ADAM23: variants seen among roughly 807,000 people sequenced by gnomAD.
ADAM23 encodes the protein disintegrin and metalloproteinase domain-containing protein 23.
ADAM23 carries 33 observed loss-of-function variants against 120.1 expected under a neutral mutation model. The ratio of observed to expected loss-of-function variants is 0.27; its 90% CI spans 0.21 to 0.37. ADAM23 has a LOEUF of 0.37. ADAM23 is among the 10% of genes least tolerant of loss of function. The probability of loss-of-function intolerance (pLI) is 1.00; values close to 1 mark genes in which losing one functional copy is unlikely to be tolerated. For missense variants in ADAM23, 862 were observed against 1,058.2 expected (o/e 0.81, Z 2.57); for synonymous variants, 367 against 375.2 (o/e 0.98, Z 0.25).
At chr2:206,463,848 T>C (rs1695479380) in intron 2 of ADAM23, among the ~76,000 whole-genome samples, 2 of 152,228 alleles carry the variant, frequency 1.3e-5, no homozygotes, top group Non-Finnish European at 2.9e-5. Context: ...AAAAACAGCT[T>C]AGTAATTTCT....
At chr2:206,500,626 A>G (rs1696367820) in intron 3 of ADAM23, among the ~76,000 whole-genome samples, 1 of 152,096 alleles carries the variant, frequency 6.6e-6, no homozygotes, top group South Asian at 2.1e-4. Context: ...CACAATCCTG[A>G]GGGTTAGTCT....
intron 18 of ADAM23, among the ~76,000 whole-genome samples, chr2:206,585,669 A>T (rs1286362103): frequency 6.6e-6 from 1 of 152,212 alleles, no homozygotes. Flanking sequence ...CACACCTGCC[A>T]CATGCCTGGT....
chr2:206,507,867 G>C (rs534884174), intron 3 of ADAM23, among the ~76,000 whole-genome samples: 3 of 152,066 alleles, frequency 2.0e-5, no homozygotes, highest in Non-Finnish European at 2.9e-5. Context: ...TAAATTTATA[G>C]GCTGGTATTC....
chr2:206,541,696 C>G (rs1028343662), intron 4 of ADAM23, among the ~76,000 whole-genome samples: 1 of 152,032 alleles, frequency 6.6e-6, no homozygotes, highest in Non-Finnish European at 1.5e-5. Flanking sequence ...TGATTATAAA[C>G]AAACTTTTGG....
chr2:206,612,937 A>C (rs1263199165), intron 25 of ADAM23, among the ~76,000 whole-genome samples: 1 of 152,378 alleles, frequency 6.6e-6, no homozygotes, highest in Non-Finnish European at 1.5e-5. Context: ...GGTTAATGCA[A>C]GCAAGACTTC....
At position 206,530,691 on chromosome 2, in the gene ADAM23, T is replaced by TC. The variant is rs1471483391; in HGVS notation, c.510-193dup. On this transcript the variant is annotated intron_variant, in intron 3 of 25. Transcript: ENST00000264377. ...TGTCTTTTTTTTTTTTTTTTTTTTT[T>TC]CTGCAGATTGGGGAGTAATTTATTC... Among the ~76,000 whole-genome samples, 359 of 144,178 alleles carry TC rather than the reference T, an allele frequency of 2.5e-3. 4 individuals carry two copies. Among genetic ancestry groups the TC allele is most frequent in the African/African-American group, 8.3e-3 (328 of 39,418 alleles). The allele number at this position is 144,178 out of a possible 152,430, so 94.6% of individuals were successfully genotyped here. A position where few individuals can be genotyped will look rare whatever the true frequency, so the allele number is the denominator to read the frequency against.
At chr2:206,601,765 C>A (rs1469219749) in intron 24 of ADAM23, among the ~76,000 whole-genome samples, 1 of 146,054 alleles carries the variant, frequency 6.8e-6, no homozygotes, top group Non-Finnish European at 1.5e-5. Flanking sequence ...GAGAGTAAGA[C>A]CCTTCTCAAA....
chr2:206,469,114 A>G (rs928128346), intron 2 of ADAM23, among the ~76,000 whole-genome samples: 11 of 152,318 alleles, frequency 7.2e-5, no homozygotes, highest in South Asian at 2.1e-4. Context: ...GGGGATTACA[A>G]TTGAACATGA....
intron 18 of ADAM23, among the ~76,000 whole-genome samples, chr2:206,573,514 T>C (rs185096363): frequency 2.0e-5 from 3 of 152,290 alleles, no homozygotes; most frequent in East Asian, 3.9e-4. Flanking sequence ...CAGCCACCCA[T>C]GTGGACAATC....
At chr2:206,496,991 G>A (rs1367646906) in intron 3 of ADAM23, among the ~76,000 whole-genome samples, 2 of 152,158 alleles carry the variant, frequency 1.3e-5, no homozygotes, top group Non-Finnish European at 1.5e-5. Flanking sequence ...AACGGGCTCT[G>A]AAATTGAGGC....
chr2:206,469,258 A>G (rs1436517184), intron 2 of ADAM23, among the ~76,000 whole-genome samples: 1 of 152,148 alleles, frequency 6.6e-6, no homozygotes, highest in Non-Finnish European at 1.5e-5. Context: ...CTGAATTCCT[A>G]CCACCACCTC....
intron 3 of ADAM23, among the ~76,000 whole-genome samples, chr2:206,509,834 A>T (rs982773609): frequency 6.6e-6 from 1 of 152,232 alleles, no homozygotes; most frequent in Non-Finnish European, 1.5e-5. Context: ...AAAATAAACT[A>T]TGGTAATAAG....
intron 24 of ADAM23, among the ~76,000 whole-genome samples, chr2:206,601,746 C>T (rs1024614849): frequency 4.0e-5 from 6 of 150,342 alleles, no homozygotes; most frequent in South Asian, 4.2e-4. Flanking sequence ...TGCACTCCAG[C>T]CTGAGCAAGA....
chr2:206,508,893 T>C (rs1696562928), intron 3 of ADAM23, among the ~76,000 whole-genome samples: 1 of 152,128 alleles, frequency 6.6e-6, no homozygotes, highest in Non-Finnish European at 1.5e-5. Flanking sequence ...CTATGAATAA[T>C]TTTCTCAATT....
chr2:206,578,217 C>T (rs1698155952), intron 18 of ADAM23, among the ~76,000 whole-genome samples: 1 of 151,706 alleles, frequency 6.6e-6, no homozygotes, highest in East Asian at 1.9e-4. Context: ...TTTATTTTTC[C>T]ATAAGTGTTT....
chr2:206,525,341 AC>A (rs1696921949), intron 3 of ADAM23, among the ~76,000 whole-genome samples: 1 of 150,824 alleles, frequency 6.6e-6, no homozygotes, highest in South Asian at 2.1e-4. Context: ...AGATTTTAAA[AC>A]TAGAAAGGAC....
chr2:206,615,131 C>T (rs758094328), intron 25 of ADAM23, among the ~76,000 whole-genome samples: 5 of 152,042 alleles, frequency 3.3e-5, no homozygotes, highest in Non-Finnish European at 5.9e-5. Flanking sequence ...GGCTCTGAGA[C>T]GGTTATTGTT....
At chr2:206,561,449 G>A (rs1697763414) in intron 12 of ADAM23, among the ~76,000 whole-genome samples, 1 of 152,116 alleles carries the variant, frequency 6.6e-6, no homozygotes, top group Non-Finnish European at 1.5e-5. Flanking sequence ...GATTGGCCTG[G>A]AGACTTTTAG....
At position 206,443,950 on chromosome 2, in the gene ADAM23, C is replaced by A; in HGVS notation, c.84C>A (p.Gly28=). Residue 28 remains glycine, a synonymous_variant, in exon 1 of 26, where the codon GGC becomes GGA. Coordinates refer to ENST00000264377, the MANE Select transcript of ADAM23 (RefSeq NM_003812.4). ...GCGCTTCCTGCGGCCCCCAACGCGG[C>A]CCCGCCGGCTCGGTGCCTGCCAGCG... The part of the protein sequence containing the change: ...LAGASCGPQR[G]PAGSVPASAP... 1 of 1,270,358 alleles carries A rather than the reference C, an allele frequency of 7.9e-7. No homozygotes were observed. The highest frequency in any genetic ancestry group is 9.9e-7 in the Non-Finnish European group (1 of 1,012,254). The allele number at this position is 1,270,358 out of a possible 1,614,324, so 78.7% of individuals were successfully genotyped here.
Sources: allele counts gnomAD v4.1 joint callset (sites outside exome capture counted in the v4.1 genomes callset), GRCh38; gene constraint gnomAD v4.1.1; transcripts MANE v1.5; gene names NCBI Gene and HGNC (gene_info 2026-07-23, HGNC 2026-07-21).